PROX1: variants seen among roughly 807,000 people sequenced by gnomAD.
PROX1 encodes the protein prospero homeobox protein 1.
PROX1 carries 7 observed loss-of-function variants against 58.8 expected under a neutral mutation model. The ratio of observed to expected loss-of-function variants is 0.12; its 90% CI spans 0.07 to 0.22. The LOEUF is 0.22. Among genes scored for constraint, PROX1 ranks in the 10% least tolerant of loss-of-function variants. The pLI is 1.00. For synonymous variants in PROX1, 350 were observed against 358.3 expected (o/e 0.98, Z 0.26); for missense variants, 675 against 927.8 (o/e 0.73, Z 3.54).
chr1:214,015,254 C>T (rs1664053865), intron 4 of PROX1, among the ~76,000 whole-genome samples: 1 of 152,100 alleles, frequency 6.6e-6, no homozygotes, highest in African/African-American at 2.4e-5. Flanking sequence ...TGTCTTGCTT[C>T]TGTGCGTGAG....
chr1:214,026,093 G>GA (rs532742455), intron 4 of PROX1, among the ~76,000 whole-genome samples: 320 of 152,048 alleles, frequency 2.1e-3, no homozygotes, highest in African/African-American at 7.4e-3. Flanking sequence ...ATCTCAGGGG[G>GA]AGAGAATGAG....
rs540439814 is a variant in PROX1, at chr1:214,004,788, G to GA, written c.1726-368dup. Among the ~76,000 whole-genome samples the GA allele has an allele frequency of 2.8e-3, 418 of 151,200 alleles. 2 individuals are homozygous for GA. Among genetic ancestry groups the GA allele is most frequent in the Non-Finnish European group, 4.7e-3 (319 of 67,720 alleles). On this transcript the variant is annotated intron_variant, in intron 2 of 4. Coordinates refer to ENST00000366958, the MANE Select transcript of PROX1 (RefSeq NM_001270616.2). ...CAAACAGAACTGTAATTGCAAGGAA[G>GA]AAAAAAAAACCTCTTATGACAAGAG... is the stretch of plus-strand genomic sequence containing the variant.
At position 213,997,856 on chromosome 1, in the gene PROX1, C is replaced by G; in HGVS notation, c.1321C>G (p.Leu441Val). The G allele has an allele frequency of 6.2e-7, 1 of 1,613,680 alleles. No homozygotes were observed. The highest frequency in any genetic ancestry group is 8.5e-7 in the Non-Finnish European group (1 of 1,179,732). ...SSTDQTEALPLVVRKNSSDQS... is the reference protein window; with the variant it reads ...SSTDQTEALPVVVRKNSSDQS... The stretch of plus-strand genomic sequence containing the variant: ...CACTGACCAGACAGAAGCACTGCCC[C>G]TGGTTGTCCGCAAAAACTCCTCTGA... The change falls in exon 2 of 5, where the codon CTG (leucine) becomes GTG (valine). Residue 441 changes from leucine to valine, a missense_variant. Physicochemically the swap from Leu to Val is conservative, Grantham distance 32. Transcript: ENST00000366958. This position sits in a 1 kb window ranked among gnomAD's most constrained non-coding sequence, Gnocchi z 7.1.
intron 2 of PROX1, among the ~76,000 whole-genome samples, chr1:214,003,967 TGA>T (rs1491187986): frequency 2.6e-5 from 4 of 152,318 alleles, no homozygotes; most frequent in Non-Finnish European, 4.4e-5. Context: ...GGTAGTTGTG[TGA>T]GTGTGTTTGT....
chr1:214,001,210 T>C (rs1348762728), intron 2 of PROX1, among the ~76,000 whole-genome samples: 1 of 152,190 alleles, frequency 6.6e-6, no homozygotes, highest in East Asian at 1.9e-4. Flanking sequence ...ATATATGTTC[T>C]GTAGGATAGA....
chr1:214,035,885 A>G lies in PROX1; in HGVS notation c.*51A>G. 1 of 1,508,898 alleles carries G rather than the reference A, an allele frequency of 6.6e-7. No individual in the cohort carries two copies. Among genetic ancestry groups the G allele is most frequent in the East Asian group, 2.3e-5 (1 of 43,598 alleles). The allele number at this position is 1,508,898 out of a possible 1,614,324, so 93.5% of individuals were successfully genotyped here. On this transcript the variant is annotated 3_prime_UTR_variant, in exon 5 of 5. Transcript: ENST00000366958. ...TATGAAGAGTAGCAGTCCCCTTTGGATGTCCAAGTTATATGTGTCTAGATT... is the reference window on the plus strand; with the variant it reads ...TATGAAGAGTAGCAGTCCCCTTTGGGTGTCCAAGTTATATGTGTCTAGATT...
chr1:214,036,919 T>C lies in PROX1; in HGVS notation c.*1085T>C, dbSNP rs1395947476. The C allele has an allele frequency of 6.6e-6, 1 of 152,256 alleles. No individual in the cohort carries two copies. Among genetic ancestry groups the C allele is most frequent in the African/African-American group, 2.4e-5 (1 of 41,482 alleles). The allele number at this position is 152,256 out of a possible 1,614,324, so 9.4% of individuals were successfully genotyped here. On this transcript the variant is annotated 3_prime_UTR_variant, in exon 5 of 5. Coordinates refer to ENST00000366958, the MANE Select transcript of PROX1 (RefSeq NM_001270616.2). ...TTTCACAAGCAATTCCACACTATCC[T>C]GATGGGTATGCAAAGTGGTGACAGT...
chr1:214,039,480 C>T lies in PROX1; in HGVS notation c.*3646C>T, dbSNP rs186860877. 1.3e-4 allele frequency: 20 copies of T among 152,132 alleles called. 1 individual carries two copies. Among genetic ancestry groups the T allele is most frequent in the African/African-American group, 4.1e-4 (17 of 41,486 alleles). 9.4% of individuals were successfully genotyped at this position (152,132 alleles called of 1,614,324 possible). A position where few individuals can be genotyped will look rare whatever the true frequency, so the allele number is the denominator to read the frequency against. Reference sequence around the variant, plus strand: ...ACAAAAAAAAAGCAAAACAGAAACACTAAAGCAAGAGGGGAACTTTTATAA... The same window carrying T: ...ACAAAAAAAAAGCAAAACAGAAACATTAAAGCAAGAGGGGAACTTTTATAA... On this transcript the variant is annotated 3_prime_UTR_variant, in exon 5 of 5. Coordinates refer to ENST00000366958, the MANE Select transcript of PROX1 (RefSeq NM_001270616.2).
Position 214,011,592 on chromosome 1 carries a change from G to A in PROX1, c.1905G>A (p.Met635Ile), listed in dbSNP as rs944217874. Residue 635 changes from methionine (M) to isoleucine (I), a missense_variant, in exon 4 of 5, where the codon ATG becomes ATA. Coordinates refer to ENST00000366958, the MANE Select transcript of PROX1 (RefSeq NM_001270616.2). ...TCCGTGAGTTTTACTACATTCAGATGGAGAAGTACGCACGTCAAGCCATCA... is the reference window on the plus strand; with the variant it reads ...TCCGTGAGTTTTACTACATTCAGATAGAGAAGTACGCACGTCAAGCCATCA... ...SNFREFYYIQ[M>I]EKYARQAIND... The A allele has an allele frequency of 6.2e-7, 1 of 1,613,994 alleles. No individual in the cohort carries two copies. The highest frequency in any genetic ancestry group is 8.5e-7 in the Non-Finnish European group (1 of 1,179,926).
chr1:213,997,084 A>T lies in PROX1; in HGVS notation c.549A>T (p.Ala183=). 9 of 1,614,012 alleles carry T rather than the reference A, an allele frequency of 5.6e-6. No homozygotes were observed. Among genetic ancestry groups the T allele is most frequent in the Non-Finnish European group, 7.6e-6 (9 of 1,180,000 alleles). Residue 183 remains alanine (A), a synonymous_variant, in exon 2 of 5, where the codon GCA becomes GCT. Transcript: ENST00000366958. This position sits in a 1 kb window ranked among gnomAD's most constrained non-coding sequence, Gnocchi z 7.1. The stretch of plus-strand genomic sequence containing the variant: ...GTATGAGCCATTCCCCCAGTGTGGC[A>T]TTAAGGGGCAATGAAAATGAAAGAG... The part of the protein sequence containing the change: ...IRGMSHSPSV[A]LRGNENEREM...
rs141960216 is a variant in PROX1, at chr1:213,997,437, A to T, written c.902A>T (p.Glu301Val). The T allele has an allele frequency of 1.2e-6, 2 of 1,614,034 alleles. No individual in the cohort carries two copies. Among genetic ancestry groups the T allele is most frequent in the African/African-American group, 2.7e-5 (2 of 74,920 alleles). ...GGAAGGTCAGATAATGAGATGTGCGAGCTAGACCCAGGACAGTTTATTGAC... is the reference window on the plus strand; with the variant it reads ...GGAAGGTCAGATAATGAGATGTGCGTGCTAGACCCAGGACAGTTTATTGAC... Reference protein sequence around the residue: ...SVGRSDNEMCELDPGQFIDRA... With the variant: ...SVGRSDNEMCVLDPGQFIDRA... The change falls in exon 2 of 5, where the codon GAG becomes GTG. Residue 301 changes from glutamate (E) to valine (V), a missense_variant. Glu to Val is a moderately radical substitution (Grantham distance 121). Transcript: ENST00000366958. The surrounding 1 kb of genome is among the most constrained non-coding windows in gnomAD (Gnocchi z 7.1).
upstream of PROX1, chr1:213,983,698 C>T (rs1662754765): frequency 6.6e-6 from 1 of 152,302 alleles, no homozygotes; most frequent in South Asian, 2.1e-4. Flanking sequence ...GGAGAGCACC[C>T]CTTTCTCGCC....
intron 4 of PROX1, among the ~76,000 whole-genome samples, chr1:214,017,842 C>T (rs1390266626): frequency 6.6e-6 from 1 of 152,166 alleles, no homozygotes; most frequent in East Asian, 1.9e-4. Flanking sequence ...AATTGTCCTT[C>T]AGCGATGAGG....
intron 1 of PROX1, among the ~76,000 whole-genome samples, chr1:213,991,505 T>G (rs1286233776): frequency 6.6e-6 from 1 of 152,222 alleles, no homozygotes; most frequent in African/African-American, 2.4e-5. Context: ...ATGCCTATGT[T>G]CATTTGCTTT....
chr1:213,985,778 C>T (rs1571787398), upstream of PROX1: 1 of 152,222 alleles, frequency 6.6e-6, no homozygotes, highest in East Asian at 1.9e-4. Flanking sequence ...AAAGTGCAAG[C>T]CATTTTTTTC....
chr1:214,032,933 A>T (rs1339477834), intron 4 of PROX1, among the ~76,000 whole-genome samples: 1 of 152,218 alleles, frequency 6.6e-6, no homozygotes, highest in Non-Finnish European at 1.5e-5. Context: ...AACTATAAAA[A>T]TGATGAAGAG....
At chr1:214,020,396 C>A (rs925668623) in intron 4 of PROX1, among the ~76,000 whole-genome samples, 2 of 152,200 alleles carry the variant, frequency 1.3e-5, no homozygotes, top group African/African-American at 4.8e-5. Context: ...CCACTCTACC[C>A]TCTCCCAAAA....
chr1:214,025,980 T>G (rs772050618), intron 4 of PROX1, among the ~76,000 whole-genome samples: 1 of 152,170 alleles, frequency 6.6e-6, no homozygotes, highest in African/African-American at 2.4e-5. Flanking sequence ...GAGTCTTTGA[T>G]GGAATAGTCT....
In PROX1 at chr1:213,997,315, C is replaced by A; in HGVS notation, c.780C>A (p.Ile260=). 1 of 1,614,130 alleles carries A rather than the reference C, an allele frequency of 6.2e-7. No individual in the cohort carries two copies. Among genetic ancestry groups the A allele is most frequent in the Non-Finnish European group, 8.5e-7 (1 of 1,180,048 alleles). Residue 260 remains isoleucine, a synonymous_variant, in exon 2 of 5, where the codon ATC becomes ATA. Coordinates refer to ENST00000366958, the MANE Select transcript of PROX1 (RefSeq NM_001270616.2). The surrounding 1 kb of genome is among the most constrained non-coding windows in gnomAD (Gnocchi z 7.1). ...LRQLQEKFYQ[I]YDSTDSENDE... The stretch of plus-strand genomic sequence containing the variant: ...AGCTGCAGGAAAAGTTCTACCAAAT[C>A]TATGACAGCACTGATTCGGAAAATG...
Sources: allele counts gnomAD v4.1 joint callset (sites outside exome capture counted in the v4.1 genomes callset), GRCh38; gene constraint gnomAD v4.1.1; non-coding constraint Gnocchi (gnomAD v3.1); transcripts MANE v1.5; gene names NCBI Gene and HGNC (gene_info 2026-07-23, HGNC 2026-07-21).